Variants in SPDL1 observed in about 807,000 individuals in gnomAD.
The protein encoded by SPDL1 is spindle apparatus coiled-coil protein 1.
SPDL1 carries 85 observed loss-of-function variants against 79.5 expected under a neutral mutation model. The ratio of observed to expected loss-of-function variants is 1.07; its 90% CI spans 0.90 to 1.28. The LOEUF (loss-of-function observed/expected upper bound fraction) is 1.28, where lower values mean the gene tolerates loss of function less well. Among genes scored for constraint, SPDL1 ranks in the 50% most tolerant of loss-of-function variants. SPDL1 has a pLI of 0.00. For synonymous variants in SPDL1, 269 were observed against 240.3 expected (o/e 1.12, Z -1.10); for missense variants, 703 against 697.8 (o/e 1.01, Z -0.08).
intron 7 of SPDL1, 148 bp from the exon 8 acceptor site, chr5:169,596,413 A>G: frequency 1.6e-6 from 1 of 637,450 alleles, no homozygotes; most frequent in East Asian, 3.0e-5. Context: ...TCTACAAAAA[A>G]ATTTATTATT....
intron 1 of SPDL1, among the ~76,000 whole-genome samples, chr5:169,586,761 C>T (rs189374450): frequency 5.3e-5 from 8 of 152,310 alleles, no homozygotes; most frequent in Admixed American, 3.9e-4. Flanking sequence ...CTCACAGCCT[C>T]CTATGCTGCC....
chr5:169,592,313 G>C (rs575493760), intron 3 of SPDL1, among the ~76,000 whole-genome samples: 1 of 149,968 alleles, frequency 6.7e-6, no homozygotes, highest in South Asian at 2.1e-4. Flanking sequence ...TGCCTCCCGG[G>C]TTCAAACGAT....
Position 169,593,465 on chromosome 5 carries a change from G to C in SPDL1, c.448G>C (p.Val150Leu). Residue 150 changes from valine to leucine, a missense_variant, in exon 4 of 12, where the codon GTA becomes CTA. By Grantham distance (32) the Val-to-Leu change is conservative (BLOSUM62 1). Transcript: ENST00000265295. ...LLSCKSEELR[V>L]MSERVQESMS... The stretch of plus-strand genomic sequence containing the variant: ...CTCTTGTAAATCAGAGGAACTGCGC[G>C]TAATGTCTGAACGTGTGCAGGAAAG... 6.2e-7 allele frequency: 1 copy of C among 1,614,082 alleles called. No homozygotes were observed. Among genetic ancestry groups the C allele is most frequent in the Non-Finnish European group, 8.5e-7 (1 of 1,179,988 alleles).
At chr5:169,594,088 C>G in intron 4 of SPDL1, 57 bp from the exon 5 acceptor site, 1 of 1,444,688 alleles carries the variant, frequency 6.9e-7, no homozygotes, top group Non-Finnish European at 9.5e-7. Flanking sequence ...AACTGAGCAG[C>G]TGCCAAATGA....
chr5:169,596,521 T>C (rs1561873685), intron 7 of SPDL1, 40 bp from the exon 8 acceptor site: 1 of 1,552,032 alleles, frequency 6.4e-7, no homozygotes, highest in East Asian at 2.3e-5. Context: ...AATCTTTCTC[T>C]CACTTAATTT....
chr5:169,588,297 G>T, intron 1 of SPDL1, 97 bp from the exon 2 acceptor site: 1 of 769,988 alleles, frequency 1.3e-6, no homozygotes, highest in Non-Finnish European at 2.0e-6. Flanking sequence ...GTTTTTATAC[G>T]ACAGTAGTAT....
At chr5:169,599,249 C>G (rs1440626594) in intron 10 of SPDL1, 90 bp downstream of exon 10, 4 of 1,036,990 alleles carry the variant, frequency 3.9e-6, no homozygotes, top group Non-Finnish European at 5.3e-6. Context: ...TTATGCAACT[C>G]TATTACAAAC....
At chr5:169,600,689 A>G (rs1755831322) in intron 10 of SPDL1, among the ~76,000 whole-genome samples, 1 of 152,204 alleles carries the variant, frequency 6.6e-6, no homozygotes, top group Non-Finnish European at 1.5e-5. Flanking sequence ...TTGATGAGAC[A>G]TGATAGGATT....
intron 2 of SPDL1, among the ~76,000 whole-genome samples, chr5:169,589,100 T>C (rs768811600): frequency 2.0e-5 from 3 of 152,234 alleles, no homozygotes; most frequent in Non-Finnish European, 4.4e-5. Flanking sequence ...AGATTTTTGG[T>C]ATATTTTTGG....
At chr5:169,590,926 C>T (rs958925435) in intron 2 of SPDL1, 122 bp from the exon 3 acceptor site, 3 of 867,498 alleles carry the variant, frequency 3.5e-6, no homozygotes, top group African/African-American at 1.7e-5. Context: ...AACATGTCTT[C>T]GTTATTTGGA....
At chr5:169,587,630 TAC>T (rs1755054886) in intron 1 of SPDL1, among the ~76,000 whole-genome samples, 1 of 152,216 alleles carries the variant, frequency 6.6e-6, no homozygotes, top group Non-Finnish European at 1.5e-5. Context: ...TGTGAAAAAT[TAC>T]AGACATGATA....
chr5:169,584,353 T>A (rs73314505), intron 1 of SPDL1, among the ~76,000 whole-genome samples: 8,054 of 152,316 alleles, frequency 0.053, 248 homozygotes, highest in Non-Finnish European at 0.058. Flanking sequence ...ACTTTTTAAA[T>A]CATGATGGCT....
intron 11 of SPDL1, 28 bp downstream of exon 11, chr5:169,601,653 C>T: frequency 6.3e-7 from 1 of 1,582,866 alleles, no homozygotes; most frequent in Non-Finnish European, 8.7e-7. Flanking sequence ...CTCCAGGCAG[C>T]CAGCAGACCT....
Position 169,596,720 on chromosome 5 carries a change from AAAAC to A in SPDL1, c.1032+21_1032+24del. ...ATTTAAGGTATGTATAACAGTTAAA[AAAAC>A]ACACATCCAAATTTTGATTTGAATA... On this transcript the variant is annotated intron_variant, in intron 8 of 11. Coordinates refer to ENST00000265295, the MANE Select transcript of SPDL1 (RefSeq NM_017785.5). 6 of 1,543,752 alleles carry A rather than the reference AAAAC, an allele frequency of 3.9e-6. No individual in the cohort carries two copies. Among genetic ancestry groups the A allele is most frequent in the African/African-American group, 1.4e-5 (1 of 70,214 alleles).
At chr5:169,590,645 T>G in intron 2 of SPDL1, 1 of 440,640 alleles carries the variant, frequency 2.3e-6, no homozygotes, top group Non-Finnish European at 4.5e-6. Flanking sequence ...TTTTCAACTA[T>G]TATTACTACT....
chr5:169,584,306 T>A (rs369943816), intron 1 of SPDL1: 34 of 152,358 alleles, frequency 2.2e-4, no homozygotes, highest in African/African-American at 5.8e-4. Flanking sequence ...TTGAGTGTAT[T>A]TGTTTAAATA....
chr5:169,589,246 C>T (rs1233737382), intron 2 of SPDL1, among the ~76,000 whole-genome samples: 3 of 152,168 alleles, frequency 2.0e-5, no homozygotes, highest in Non-Finnish European at 4.4e-5. Context: ...TCCAGATCAC[C>T]ATCATCACTC....
Position 169,601,380 on chromosome 5 carries a change from A to G in SPDL1, c.1425A>G (p.Gly475=). Residue 475 remains glycine, a synonymous_variant, in exon 11 of 12, where the codon GGA becomes GGG. Transcript: ENST00000265295. ...GTGTCAACAACAGTGCTCTCGGGGG[A>G]GAAGTTTATCGATTACCGCCTCAGA... is the stretch of plus-strand genomic sequence containing the variant. ...DACVNNSALG[G]EVYRLPPQKE... is the part of the protein sequence containing the mutation. The G allele has an allele frequency of 1.2e-6, 2 of 1,614,052 alleles. No homozygotes were observed. The highest frequency in any genetic ancestry group is 1.7e-6 in the Non-Finnish European group (2 of 1,180,016).
At position 169,601,613 on chromosome 5, in the gene SPDL1, C is replaced by G; in HGVS notation, c.1658C>G (p.Pro553Arg). The change falls in exon 11 of 12, where the codon CCT becomes CGT. Residue 553 changes from proline (P) to arginine (R), a missense_variant. Transcript: ENST00000265295. ...TTAAGTGAAAGAAGTGGAAACACCC[C>G]TAACTCTCCCAGGTCAGTGTCCTCT... ...EALSERSGNT[P>R]NSPRLAAESK... The G allele has an allele frequency of 1.2e-6, 2 of 1,614,038 alleles. No homozygotes were observed. The highest frequency in any genetic ancestry group is 2.2e-5 in the South Asian group (2 of 91,048).
Sources: gnomAD v4.1 joint callset for allele counts (sites outside exome capture counted in the v4.1 genomes callset) on GRCh38, gnomAD v4.1.1 for gene constraint, MANE v1.5 for transcripts, NCBI Gene and HGNC (gene_info 2026-07-23, HGNC 2026-07-21) for gene names.